PCDH11X: variants seen among roughly 807,000 people sequenced by gnomAD.
The protein encoded by PCDH11X is protocadherin 11 X-linked.
Under a neutral mutation model 53.3 loss-of-function variants are expected in PCDH11X, and 18 were observed. That is an observed-to-expected ratio of 0.34 (90% CI 0.23 to 0.50). The LOEUF is 0.50. PCDH11X is among the 20% of genes least tolerant of loss of function. The probability of loss-of-function intolerance (pLI) is 0.98; values close to 1 mark genes in which losing one functional copy is unlikely to be tolerated. For missense variants in PCDH11X, 570 were observed against 1,032.4 expected (o/e 0.55, Z 6.14); for synonymous variants, 279 against 393.3 (o/e 0.71, Z 3.44).
chrX:92,107,136 C>A (rs2064402238), intron 6 of PCDH11X, among the ~76,000 whole-genome samples: 1 of 111,199 alleles, frequency 9.0e-6, no homozygotes, highest in African/African-American at 3.3e-5. Flanking sequence ...CTCAATCCCC[C>A]TCCTCAATCC....
chrX:92,525,492 G>A (rs2074433622), intron 10 of PCDH11X, among the ~76,000 whole-genome samples: 1 of 109,036 alleles, frequency 9.2e-6, no homozygotes, highest in Non-Finnish European at 1.9e-5. Flanking sequence ...TTAGCCAGGA[G>A]TGGTGGTGCA....
At chrX:91,793,162 A>G (rs986212687) in intron 1 of PCDH11X, among the ~76,000 whole-genome samples, 4 of 107,738 alleles carry the variant, frequency 3.7e-5, no homozygotes, top group Admixed American at 1.0e-4. Context: ...CAGGTATTGC[A>G]TATATTATAT....
At chrX:92,206,541 T>G (rs1416798510) in intron 7 of PCDH11X, among the ~76,000 whole-genome samples, 1 of 111,190 alleles carries the variant, frequency 9.0e-6, no homozygotes, top group Non-Finnish European at 1.9e-5. Flanking sequence ...TTTATTTTTT[T>G]TTGAGATGGA....
intron 9 of PCDH11X, among the ~76,000 whole-genome samples, chrX:92,441,474 C>T (rs1455943690): frequency 8.9e-6 from 1 of 111,912 alleles, no homozygotes; most frequent in African/African-American, 3.2e-5. Context: ...GACTTGGTGC[C>T]CTGTGTCCCA....
At chrX:92,504,128 T>G (rs2074009640) in intron 10 of PCDH11X, among the ~76,000 whole-genome samples, 1 of 102,146 alleles carries the variant, frequency 9.8e-6, no homozygotes, top group Admixed American at 1.1e-4. Flanking sequence ...AAAACTTTTA[T>G]TTTGAGTTCA....
intron 6 of PCDH11X, among the ~76,000 whole-genome samples, chrX:92,080,176 A>G (rs2063834952): frequency 9.0e-6 from 1 of 110,946 alleles, no homozygotes; most frequent in Admixed American, 9.7e-5. Context: ...AAGCTAGAAA[A>G]GGGAGGGAAA....
intron 7 of PCDH11X, among the ~76,000 whole-genome samples, chrX:92,216,446 G>T (rs1166382205): frequency 3.9e-5 from 4 of 103,612 alleles, no homozygotes; most frequent in African/African-American, 1.4e-4. Context: ...GGAAGAAAGG[G>T]TATCAGCGAT....
intron 6 of PCDH11X, among the ~76,000 whole-genome samples, chrX:92,145,892 AT>A (rs1225032793): frequency 9.5e-6 from 1 of 105,770 alleles, no homozygotes; most frequent in Non-Finnish European, 1.9e-5. Context: ...CTTAGAAACT[AT>A]TTTTCAAATA....
chrX:92,128,110 A>G (rs982254037), intron 6 of PCDH11X, among the ~76,000 whole-genome samples: 3 of 111,876 alleles, frequency 2.7e-5, no homozygotes, highest in South Asian at 3.7e-4. Context: ...GATGCAAGTA[A>G]GGTGCTACAG....
intron 6 of PCDH11X, among the ~76,000 whole-genome samples, chrX:91,993,455 G>GA (rs1234642957): frequency 5.4e-5 from 6 of 111,879 alleles, no homozygotes; most frequent in Non-Finnish European, 1.1e-4. Flanking sequence ...TCAAAAAATA[G>GA]AAAAAAGCTG....
At chrX:91,798,450 A>T (rs1330002417) in intron 1 of PCDH11X, among the ~76,000 whole-genome samples, 3 of 107,924 alleles carry the variant, frequency 2.8e-5, no homozygotes, top group Admixed American at 9.8e-5. Context: ...TTAACCAGGC[A>T]TGATGGCGGG....
chrX:92,282,050 G>A (rs769945188), intron 8 of PCDH11X, among the ~76,000 whole-genome samples: 7 of 110,707 alleles, frequency 6.3e-5, no homozygotes, highest in Non-Finnish European at 1.1e-4. Context: ...AGAAAGATGA[G>A]AAAAACAAGA....
chrX:92,255,419 C>T (rs1416175973), intron 7 of PCDH11X, among the ~76,000 whole-genome samples: 118 of 88,671 alleles, frequency 1.3e-3, no homozygotes, highest in Non-Finnish European at 1.6e-3. Flanking sequence ...ATTTGATCGT[C>T]TGAAGCCTTC....
At chrX:92,513,708 C>T (rs1171110576) in intron 10 of PCDH11X, among the ~76,000 whole-genome samples, 1 of 111,390 alleles carries the variant, frequency 9.0e-6, no homozygotes, top group Non-Finnish European at 1.9e-5. Flanking sequence ...TAAAGTTCTT[C>T]ACATTGACTT....
intron 7 of PCDH11X, among the ~76,000 whole-genome samples, chrX:92,236,170 A>G (rs1484935441): frequency 9.0e-6 from 1 of 111,321 alleles, no homozygotes; most frequent in Non-Finnish European, 1.9e-5. Flanking sequence ...CATCGGAAGA[A>G]CAAAGAATTA....
intron 6 of PCDH11X, among the ~76,000 whole-genome samples, chrX:92,104,034 G>A (rs1018006374): frequency 1.8e-5 from 2 of 111,283 alleles, no homozygotes; most frequent in Non-Finnish European, 3.8e-5. Flanking sequence ...GAACTGGGCT[G>A]GATTTTTATA....
At chrX:92,359,013 C>A (rs188010984) in intron 8 of PCDH11X, among the ~76,000 whole-genome samples, 1,129 of 108,900 alleles carry the variant, frequency 0.01, 16 homozygotes, top group African/African-American at 0.033. Context: ...TACATTTTCC[C>A]TGTAAATTAA....
chrX:91,960,588 C>A (rs1349129145), intron 6 of PCDH11X, among the ~76,000 whole-genome samples: 1 of 110,505 alleles, frequency 9.0e-6, no homozygotes, highest in Non-Finnish European at 1.9e-5. Flanking sequence ...TCATGCCTGG[C>A]TAATTTTTGT....
chrX:92,132,586 C>T lies in PCDH11X; in HGVS notation c.3034-68789C>T, dbSNP rs898213833. ...TCACGCCACTGCACTCCAGCCTGGGCGACAGAGTGAAACTCCGTCTCAAAA... is the reference window on the plus strand; with the variant it reads ...TCACGCCACTGCACTCCAGCCTGGGTGACAGAGTGAAACTCCGTCTCAAAA... On this transcript the variant is annotated intron_variant, in intron 6 of 10. Transcript: ENST00000682573. Among the ~76,000 whole-genome samples the T allele has an allele frequency of 8.3e-5, 8 of 95,987 alleles. No individual in the cohort carries two copies. In the South Asian group the frequency reaches 1.4e-3, roughly 17 times the overall value. 83.4% of individuals were successfully genotyped at this position (95,987 alleles called of 115,157 possible).
Sources: allele counts gnomAD v4.1 joint callset (sites outside exome capture counted in the v4.1 genomes callset), GRCh38; gene constraint gnomAD v4.1.1; transcripts MANE v1.5; gene names NCBI Gene and HGNC (gene_info 2026-07-23, HGNC 2026-07-21).